The following IL1RAPL1 variants were observed in gnomAD, a reference collection of about 807,000 sequenced individuals.
IL1RAPL1 encodes interleukin-1 receptor accessory protein-like 1.
In IL1RAPL1, 3 loss-of-function variants were observed where a neutral mutation model predicts 48.4. The ratio of observed to expected loss-of-function variants is 0.06; its 90% CI spans 0.03 to 0.16. IL1RAPL1 has a LOEUF of 0.16. Ranked by LOEUF, IL1RAPL1 falls within the 10% of genes least tolerant of loss-of-function variation. The pLI is 1.00. For synonymous variants in IL1RAPL1, 185 were observed against 187.7 expected (o/e 0.99, Z 0.12); for missense variants, 349 against 530.6 (o/e 0.66, Z 3.36).
intron 1 of IL1RAPL1, among the ~76,000 whole-genome samples, chrX:28,762,786 G>GCACACACACA (rs759005946): frequency 1.3e-3 from 82 of 62,952 alleles, no homozygotes; most frequent in African/African-American, 4.4e-3. Context: ...GCACGCGCGC[G>GCACACACACA]CACACACACA....
rs960080550 is a variant in IL1RAPL1, at chrX:29,743,092, A to G, written c.778+74588A>G. Among the ~76,000 whole-genome samples the G allele has an allele frequency of 4.6e-5, 5 of 109,392 alleles. No homozygotes were observed. The Admixed American group carries it at 5.0e-4, about 11-fold the overall frequency. 95.0% of individuals were successfully genotyped at this position (109,392 alleles called of 115,157 possible). A position where few individuals can be genotyped will look rare whatever the true frequency, so the allele number is the denominator to read the frequency against. ...AGTAATACATATGTAATATGACAGTATTGAAGTTAATATAAACTAATATGA... is the reference window on the plus strand; with the variant it reads ...AGTAATACATATGTAATATGACAGTGTTGAAGTTAATATAAACTAATATGA... On this transcript the variant is annotated intron_variant, in intron 6 of 10. Coordinates refer to ENST00000378993, the MANE Select transcript of IL1RAPL1 (RefSeq NM_014271.4).
chrX:28,808,840 A>T (rs755188575), intron 2 of IL1RAPL1, among the ~76,000 whole-genome samples: 80 of 110,512 alleles, frequency 7.2e-4, no homozygotes, highest in African/African-American at 2.4e-3. Flanking sequence ...CTTTTTTCTC[A>T]GCATTTTTGA....
chrX:28,676,035 A>G (rs1251089089), intron 1 of IL1RAPL1, among the ~76,000 whole-genome samples: 2 of 111,786 alleles, frequency 1.8e-5, no homozygotes, highest in African/African-American at 3.3e-5. Context: ...GTTAAACACA[A>G]TACTTTGGTA....
chrX:29,499,945 T>C (rs1220807587), intron 5 of IL1RAPL1, among the ~76,000 whole-genome samples: 1 of 111,634 alleles, frequency 9.0e-6, no homozygotes, highest in Non-Finnish European at 1.9e-5. Context: ...TTCTTTATGC[T>C]AGAAACATTA....
chrX:29,109,493 A>G (rs958283907), intron 2 of IL1RAPL1, among the ~76,000 whole-genome samples: 11 of 110,612 alleles, frequency 9.9e-5, no homozygotes, highest in African/African-American at 1.6e-4. Flanking sequence ...TTTTAGTAAT[A>G]TTAAATTATT....
At chrX:29,441,750 C>T (rs1458112670) in intron 5 of IL1RAPL1, among the ~76,000 whole-genome samples, 1 of 112,033 alleles carries the variant, frequency 8.9e-6, no homozygotes, top group Non-Finnish European at 1.9e-5. Context: ...TGGAAAGACT[C>T]ATTCTCTTAT....
intron 2 of IL1RAPL1, among the ~76,000 whole-genome samples, chrX:28,986,457 A>C (rs761535655): frequency 2.6e-4 from 29 of 112,421 alleles, no homozygotes; most frequent in Non-Finnish European, 5.1e-4. Flanking sequence ...AGAACTAGAA[A>C]GTTGCATAGA....
intron 2 of IL1RAPL1, among the ~76,000 whole-genome samples, chrX:28,870,642 C>T (rs1218672246): frequency 9.0e-6 from 1 of 111,454 alleles, no homozygotes; most frequent in East Asian, 2.8e-4. Context: ...CTTTATATAT[C>T]TCTTCCATGA....
intron 6 of IL1RAPL1, among the ~76,000 whole-genome samples, chrX:29,868,678 C>T (rs1227474285): frequency 3.6e-5 from 4 of 112,211 alleles, no homozygotes; most frequent in South Asian, 3.7e-4. Context: ...AATTCAAGAC[C>T]GGAGAACCAA....
intron 5 of IL1RAPL1, among the ~76,000 whole-genome samples, chrX:29,430,142 C>T (rs960820186): frequency 1.8e-5 from 2 of 109,282 alleles, no homozygotes; most frequent in Admixed American, 2.0e-4. Flanking sequence ...TCTCTCTCCC[C>T]CAACGTGTAG....
At chrX:29,420,675 G>T (rs1453365019) in intron 5 of IL1RAPL1, among the ~76,000 whole-genome samples, 1 of 112,483 alleles carries the variant, frequency 8.9e-6, no homozygotes, top group Non-Finnish European at 1.9e-5. Context: ...AGAGAGAAAA[G>T]ATGATTAATA....
At chrX:29,447,966 T>C (rs1159677739) in intron 5 of IL1RAPL1, among the ~76,000 whole-genome samples, 1 of 112,048 alleles carries the variant, frequency 8.9e-6, no homozygotes. Context: ...AGAAATGTTT[T>C]TGGTAGAAGA....
At chrX:29,495,159 T>C (rs1338357654) in intron 5 of IL1RAPL1, among the ~76,000 whole-genome samples, 1 of 112,174 alleles carries the variant, frequency 8.9e-6, no homozygotes, top group Admixed American at 9.5e-5. Context: ...AATGCTTTAT[T>C]GCTTCCCTTT....
chrX:29,240,222 ATATTTTTTTT>A (rs1272329672), intron 2 of IL1RAPL1, among the ~76,000 whole-genome samples: 4 of 17,566 alleles, frequency 2.3e-4, no homozygotes, highest in Admixed American at 9.9e-4. Context: ...ATATATATAT[ATATTTTTTTT>A]TTTTTTTTTT....
chrX:28,843,407 C>T (rs747436690), intron 2 of IL1RAPL1, among the ~76,000 whole-genome samples: 1 of 111,446 alleles, frequency 9.0e-6, no homozygotes, highest in East Asian at 2.8e-4. Context: ...ATGAGCTGAA[C>T]GTAAAAGATA....
chrX:29,539,910 A>G (rs1006487938), intron 5 of IL1RAPL1, among the ~76,000 whole-genome samples: 2 of 111,507 alleles, frequency 1.8e-5, no homozygotes, highest in African/African-American at 6.5e-5. Context: ...CACTACTCCA[A>G]TGTAGTACTG....
intron 3 of IL1RAPL1, among the ~76,000 whole-genome samples, chrX:29,334,222 G>A (rs1265707432): frequency 1.4e-5 from 1 of 73,423 alleles, no homozygotes; most frequent in Non-Finnish European, 2.7e-5. Context: ...CTCCCTCCCG[G>A]ACGGGGCGGC....
chrX:28,848,383 G>C (rs938155599), intron 2 of IL1RAPL1, among the ~76,000 whole-genome samples: 1 of 110,410 alleles, frequency 9.1e-6, no homozygotes, highest in African/African-American at 3.3e-5. Context: ...AGTAAGTATT[G>C]ATTGACAGAA....
chrX:29,010,507 G>A (rs1201968116), intron 2 of IL1RAPL1, among the ~76,000 whole-genome samples: 1 of 111,382 alleles, frequency 9.0e-6, no homozygotes, highest in African/African-American at 3.3e-5. Flanking sequence ...TGATCATATG[G>A]CTTTGGTTTT....
Sources: allele counts gnomAD v4.1 joint callset (sites outside exome capture counted in the v4.1 genomes callset), GRCh38; gene constraint gnomAD v4.1.1; transcripts MANE v1.5; gene names NCBI Gene and HGNC (gene_info 2026-07-23, HGNC 2026-07-21).